DST: variants seen among roughly 807,000 people sequenced by gnomAD.
DST encodes dystonin.
A neutral mutation model predicts 875.2 loss-of-function variants in DST; 253 were observed. The ratio of observed to expected loss-of-function variants is 0.29; its 90% CI spans 0.26 to 0.32. The LOEUF (loss-of-function observed/expected upper bound fraction) is 0.32. Ranked by LOEUF, DST falls within the 10% of genes least tolerant of loss-of-function variation. The pLI is 1.00. For synonymous variants in DST, 3,124 were observed against 3,197.1 expected (o/e 0.98, Z 0.77); for missense variants, 8,287 against 9,111.6 (o/e 0.91, Z 3.68).
In DST at chr6:56,476,192, G is replaced by C. The variant is rs1250221052; in HGVS notation, c.21821C>G (p.Pro7274Arg). Residue 7274 changes from proline to arginine, a missense_variant, in exon 92 of 104, where the codon CCC becomes CGC. Pro to Arg is a moderately radical substitution (Grantham distance 103). Coordinates refer to ENST00000680361, the MANE Select transcript of DST (RefSeq NM_001374736.1). ...TLTDKDKEVI[P>R]QEIEEVKALI... ...TGCTTTCACCTCTTCGATCTCCTGG[G>C]GGATGACTTCTTTATCCTTATCAGT... The C allele has an allele frequency of 2.5e-6, 4 of 1,612,908 alleles. No homozygotes were observed. Among genetic ancestry groups the C allele is most frequent in the South Asian group, 1.1e-5 (1 of 90,742 alleles).
chr6:56,541,751 G>A lies in DST; in HGVS notation c.16609-4811C>T, dbSNP rs557756726. On this transcript the variant is annotated intron_variant, in intron 61 of 103. Coordinates refer to ENST00000680361, the MANE Select transcript of DST (RefSeq NM_001374736.1). ...GTTTAAGGTCATCAGCAGTGCATCA[G>A]TATAAATGCAACTATCCTTTTACCT... is the stretch of plus-strand genomic sequence containing the variant. Among the ~76,000 whole-genome samples, 5 of 152,254 alleles carry A rather than the reference G, an allele frequency of 3.3e-5. No individual in the cohort carries two copies. The South Asian group carries it at 1.0e-3, about 32-fold the overall frequency.
intron 37 of DST, among the ~76,000 whole-genome samples, chr6:56,614,020 T>C (rs2098583823): frequency 6.6e-6 from 1 of 152,184 alleles, no homozygotes; most frequent in Admixed American, 6.5e-5. Context: ...ATGGATCTAC[T>C]CTAGACATAA....
At position 56,603,862 on chromosome 6, in the gene DST, G is replaced by A. The variant is rs2098469957; in HGVS notation, c.10766C>T (p.Ala3589Val). 1 of 1,610,584 alleles carries A rather than the reference G, an allele frequency of 6.2e-7. No homozygotes were observed. The highest frequency in any genetic ancestry group is 8.5e-7 in the Non-Finnish European group (1 of 1,178,498). ...LECTSGSKEM[A>V]SGDSSTEQFS... ...TTGTTCGGTTGAGCTATCTCCAGAA[G>A]CCATCTCTTTAGACCCTGAAGTACA... The change falls in exon 40 of 104, where the codon GCT (alanine) becomes GTT (valine). Residue 3589 changes from alanine (A) to valine (V), a missense_variant. Ala to Val is a moderately conservative substitution (Grantham distance 64). Transcript: ENST00000680361.
At chr6:56,820,751 G>C (rs1346411028) in intron 4 of DST, among the ~76,000 whole-genome samples, 2 of 151,876 alleles carry the variant, frequency 1.3e-5, no homozygotes, top group Non-Finnish European at 2.9e-5. Flanking sequence ...TATTATTATA[G>C]TGATTATTAC....
chr6:56,724,434 T>C (rs988625507), intron 5 of DST, among the ~76,000 whole-genome samples: 1 of 152,220 alleles, frequency 6.6e-6, no homozygotes, highest in South Asian at 2.1e-4. Flanking sequence ...AGTTTGTTGG[T>C]TTAAAAAATA....
intron 10 of DST, 41 bp from the exon 11 acceptor site, chr6:56,651,285 G>T: frequency 8.0e-7 from 1 of 1,248,634 alleles, no homozygotes; most frequent in South Asian, 1.4e-5. Flanking sequence ...TTTCTCATGT[G>T]CCAATTCAAC....
At chr6:56,942,231 A>T (rs1816966825) in intron 2 of DST, among the ~76,000 whole-genome samples, 1 of 152,192 alleles carries the variant, frequency 6.6e-6, no homozygotes, top group African/African-American at 2.4e-5. Context: ...AATTTCTTGT[A>T]AATAGCATAT....
intron 2 of DST, among the ~76,000 whole-genome samples, chr6:56,950,272 CA>C (rs1821669233): frequency 2.0e-5 from 3 of 152,176 alleles, no homozygotes; most frequent in Admixed American, 2.0e-4. Flanking sequence ...TTCCTTATGT[CA>C]GACAAGGCTT....
chr6:56,523,285 G>A (rs931069656), intron 69 of DST, among the ~76,000 whole-genome samples: 4 of 151,894 alleles, frequency 2.6e-5, no homozygotes, highest in Non-Finnish European at 5.9e-5. Flanking sequence ...TAACAAATAC[G>A]GCCTTCACAC....
intron 36 of DST, chr6:56,620,481 G>A (rs781286388): frequency 6.8e-6 from 11 of 1,613,892 alleles, no homozygotes; most frequent in Non-Finnish European, 9.3e-6. Flanking sequence ...CTTATCTTCT[G>A]CAGAGAGATA....
At chr6:56,723,953 T>C (rs1268146836) in intron 5 of DST, among the ~76,000 whole-genome samples, 2 of 152,246 alleles carry the variant, frequency 1.3e-5, no homozygotes, top group African/African-American at 4.8e-5. Context: ...CCTGGGAACC[T>C]GATTTGAAAA....
rs150786585 is a variant in DST at position 56,920,380 on chromosome 6, G to A, written c.217-19759C>T. ...ATATCACCTCTACTTATATCCAATCGGCCATAACTTAGCCATAGAGTCACA... is the reference window on the plus strand; with the variant it reads ...ATATCACCTCTACTTATATCCAATCAGCCATAACTTAGCCATAGAGTCACA... On this transcript the variant is annotated intron_variant, in intron 2 of 103. Transcript: ENST00000680361. 9.1e-3 allele frequency among the ~76,000 whole-genome samples: 1,388 copies of A among 152,210 alleles called. 24 individuals carry two copies. The highest frequency in any genetic ancestry group is 0.032 in the African/African-American group (1,317 of 41,528).
chr6:56,908,557 AGTTAGTAAATGTGCCACT>A (rs1249410369), intron 2 of DST, among the ~76,000 whole-genome samples: 3 of 152,178 alleles, frequency 2.0e-5, no homozygotes, highest in African/African-American at 7.2e-5. Flanking sequence ...AAATCACAGT[AGTTAGTAAATGTGCCACT>A]GTCAGAGGCG....
intron 36 of DST, chr6:56,618,363 G>A (rs2098650311): frequency 6.2e-7 from 1 of 1,614,160 alleles, no homozygotes; most frequent in East Asian, 2.2e-5. Flanking sequence ...TCTCCAGAGT[G>A]CTGGCACTCC....
chr6:56,603,739 T>C (rs9382656), intron 40 of DST, 26 bp from the exon 41 acceptor site: 533,206 of 1,585,558 alleles, frequency 0.34, 92,329 homozygotes, highest in Admixed American at 0.38. Context: ...GACATTTTAA[T>C]TCAATAACCT....
At chr6:56,619,851 C>T in intron 36 of DST, 1 of 1,614,016 alleles carries the variant, frequency 6.2e-7, no homozygotes, top group Non-Finnish European at 8.5e-7. Flanking sequence ...GACGTTTTTT[C>T]AAGCTGGAGG....
In DST at chr6:56,631,851, A is replaced by C. The variant is rs10456737; in HGVS notation, c.3963+32T>G. ...GATACATAAGGTCATTAAGAGAGTT[A>C]GTTTTTTTCCCAACATATTTATAGC... On this transcript the variant is annotated intron_variant, in intron 29 of 103. Transcript: ENST00000680361. 134,257 of 1,603,484 alleles carry C rather than the reference A, an allele frequency of 0.084. 6,589 individuals are homozygous for C. The highest frequency in any genetic ancestry group is 0.1 in the Non-Finnish European group (117,190 of 1,170,544).
chr6:56,474,914 G>T (rs2095093441), intron 92 of DST, among the ~76,000 whole-genome samples: 2 of 136,812 alleles, frequency 1.5e-5, no homozygotes, highest in Non-Finnish European at 1.5e-5. Context: ...AGCCACGACT[G>T]TGCCATTGCA....
chr6:56,594,947 C>T (rs776372739), intron 47 of DST, among the ~76,000 whole-genome samples: 28 of 152,216 alleles, frequency 1.8e-4, no homozygotes, highest in Non-Finnish European at 3.7e-4. Context: ...AGGTGTGCTG[C>T]AGGCAAGTCA....
Sources: gnomAD v4.1 joint callset for allele counts (sites outside exome capture counted in the v4.1 genomes callset) on GRCh38, gnomAD v4.1.1 for gene constraint, MANE v1.5 for transcripts, NCBI Gene and HGNC (gene_info 2026-07-23, HGNC 2026-07-21) for gene names.